CADM2: variants seen among roughly 807,000 people sequenced by gnomAD.
CADM2 encodes cell adhesion molecule 2, also known as immunoglobulin superfamily member 4D.
Under a neutral mutation model 49.8 loss-of-function variants are expected in CADM2, and 12 were observed. That is an observed-to-expected ratio of 0.24 (90% CI 0.15 to 0.39). The LOEUF (loss-of-function observed/expected upper bound fraction) is 0.39, where lower values mean the gene tolerates loss of function less well. Ranked by LOEUF, CADM2 falls within the 10% of genes least tolerant of loss-of-function variation. CADM2 has a pLI of 1.00. For synonymous variants in CADM2, 214 were observed against 175.4 expected (o/e 1.22, Z -1.74); for missense variants, 378 against 492.3 (o/e 0.77, Z 2.20).
At chr3:85,335,358 C>T (rs955255088) in intron 1 of CADM2, among the ~76,000 whole-genome samples, 1 of 151,460 alleles carries the variant, frequency 6.6e-6, no homozygotes, top group Non-Finnish European at 1.5e-5. Flanking sequence ...TTTAACTCTT[C>T]TTCTTCCTTG....
rs144490129 is a variant in CADM2, at chr3:85,485,495, T to C, written c.62-241027T>C. On this transcript the variant is annotated intron_variant, in intron 1 of 9. Transcript: ENST00000383699. The stretch of plus-strand genomic sequence containing the variant: ...TTGATAACTGGAAAAAATAACCATA[T>C]CTATAAGAATAAATCAAACTCATCG... Among the ~76,000 whole-genome samples, 912 of 152,050 alleles carry C rather than the reference T, an allele frequency of 6.0e-3. 4 individuals carry two copies. The highest frequency in any genetic ancestry group is 8.6e-3 in the Non-Finnish European group (582 of 67,874).
intron 1 of CADM2, among the ~76,000 whole-genome samples, chr3:85,350,009 A>T (rs1469063190): frequency 6.6e-6 from 1 of 152,234 alleles, no homozygotes; most frequent in Non-Finnish European, 1.5e-5. Context: ...CTCTATAATG[A>T]ACAATCAAAA....
At chr3:85,710,535 T>C (rs576870694) in intron 1 of CADM2, among the ~76,000 whole-genome samples, 18 of 152,302 alleles carry the variant, frequency 1.2e-4, no homozygotes, top group African/African-American at 4.3e-4. Context: ...ATATATTTTA[T>C]ATTCTTTCCA....
chr3:85,571,280 C>T (rs1023626835), intron 1 of CADM2, among the ~76,000 whole-genome samples: 2 of 152,098 alleles, frequency 1.3e-5, no homozygotes, highest in African/African-American at 4.8e-5. Flanking sequence ...TAATTTATGT[C>T]AGATATTCTC....
At chr3:85,481,380 T>C (rs1487597900) in intron 1 of CADM2, among the ~76,000 whole-genome samples, 27 of 151,656 alleles carry the variant, frequency 1.8e-4, no homozygotes, top group Admixed American at 1.8e-3. Flanking sequence ...GACAAGTAAT[T>C]ATTTTTATTC....
At chr3:85,106,237 T>C (rs2038220824) in intron 1 of CADM2, among the ~76,000 whole-genome samples, 1 of 152,286 alleles carries the variant, frequency 6.6e-6, no homozygotes, top group Admixed American at 6.5e-5. Flanking sequence ...GTTGCATTGA[T>C]ACGACATATC....
chr3:85,295,733 C>T (rs2106959310), intron 1 of CADM2, among the ~76,000 whole-genome samples: 1 of 151,742 alleles, frequency 6.6e-6, no homozygotes, highest in East Asian at 2.0e-4. Flanking sequence ...ACAATTAGAT[C>T]ACATGGACAC....
intron 1 of CADM2, chr3:84,960,561 C>T (rs2030403123): frequency 6.6e-6 from 1 of 151,546 alleles, no homozygotes; most frequent in Non-Finnish European, 1.5e-5. Flanking sequence ...AGATTTCCTA[C>T]CTCTCCATCC....
intron 1 of CADM2, among the ~76,000 whole-genome samples, chr3:85,332,839 CTTTT>C (rs140583272): frequency 6.6e-6 from 1 of 151,340 alleles, no homozygotes; most frequent in African/African-American, 2.4e-5. Context: ...GTGAACAAGG[CTTTT>C]TTTTATTCCC....
intron 1 of CADM2, among the ~76,000 whole-genome samples, chr3:85,628,198 A>G (rs1362338959): frequency 1.3e-5 from 2 of 152,074 alleles, no homozygotes; most frequent in African/African-American, 4.8e-5. Flanking sequence ...AGATATAATT[A>G]CATAATAATT....
At chr3:85,555,198 G>A (rs1266200656) in intron 1 of CADM2, among the ~76,000 whole-genome samples, 2 of 152,146 alleles carry the variant, frequency 1.3e-5, no homozygotes, top group Non-Finnish European at 2.9e-5. Context: ...TACAAAAAAT[G>A]TGCTTTAAGG....
At chr3:85,347,349 A>T (rs2107220773) in intron 1 of CADM2, among the ~76,000 whole-genome samples, 1 of 150,372 alleles carries the variant, frequency 6.7e-6, no homozygotes, top group African/African-American at 2.4e-5. Flanking sequence ...AAGCAAAATC[A>T]AATAAAAAAG....
chr3:85,104,455 C>T (rs2038134080), intron 1 of CADM2, among the ~76,000 whole-genome samples: 1 of 152,086 alleles, frequency 6.6e-6, no homozygotes, highest in South Asian at 2.1e-4. Flanking sequence ...CAGTACCATG[C>T]TGTTTTGGTT....
chr3:85,475,046 T>G (rs2038921859), intron 1 of CADM2, among the ~76,000 whole-genome samples: 1 of 151,942 alleles, frequency 6.6e-6, no homozygotes, highest in Non-Finnish European at 1.5e-5. Flanking sequence ...AAATAATTTT[T>G]CTTGGAAAAC....
At chr3:85,636,413 G>A (rs28782792) in intron 1 of CADM2, among the ~76,000 whole-genome samples, 10 of 152,050 alleles carry the variant, frequency 6.6e-5, no homozygotes, top group African/African-American at 2.4e-4. Context: ...AAAATAGTTT[G>A]TACAGTTTAT....
chr3:85,968,290 G>C (rs1161270263), intron 8 of CADM2, among the ~76,000 whole-genome samples: 5 of 151,678 alleles, frequency 3.3e-5, no homozygotes, highest in African/African-American at 1.2e-4. Flanking sequence ...ACTCTGCAGA[G>C]AGAAATGGAA....
chr3:85,598,972 A>G (rs1029741492), intron 1 of CADM2, among the ~76,000 whole-genome samples: 1 of 151,850 alleles, frequency 6.6e-6, no homozygotes, highest in African/African-American at 2.4e-5. Flanking sequence ...TGCCCATTTT[A>G]TTTGTTACCT....
chr3:85,153,344 G>A (rs2039993709), intron 1 of CADM2, among the ~76,000 whole-genome samples: 1 of 152,172 alleles, frequency 6.6e-6, no homozygotes, highest in Non-Finnish European at 1.5e-5. Context: ...TGGAAAATTG[G>A]GTCACTGCCA....
Position 86,007,999 on chromosome 3 carries a change from C to G in CADM2, c.970+46352C>G, listed in dbSNP as rs575900200. On this transcript the variant is annotated intron_variant, in intron 8 of 9. Transcript: ENST00000383699. ...TTAAGTATAGCTTAGAATTTGAAAG[C>G]AAATTTTCCTAACATGGCTAACCAG... is the stretch of plus-strand genomic sequence containing the variant. 5.9e-5 allele frequency among the ~76,000 whole-genome samples: 9 copies of G among 152,192 alleles called. No homozygotes were observed. In the East Asian group the frequency reaches 1.7e-3, roughly 29 times the overall value.
Sources: allele counts gnomAD v4.1 joint callset (sites outside exome capture counted in the v4.1 genomes callset), GRCh38; gene constraint gnomAD v4.1.1; transcripts MANE v1.5; gene names NCBI Gene and HGNC (gene_info 2026-07-23, HGNC 2026-07-21).